The following PFKFB3 variants were observed in gnomAD, a reference collection of about 807,000 sequenced individuals.
PFKFB3 encodes 6-phosphofructo-2-kinase/fructose-2,6-biphosphatase 3.
PFKFB3 carries 33 observed loss-of-function variants against 68.0 expected under a neutral mutation model. The observed-to-expected ratio is 0.49, with a 90% CI of 0.37 to 0.65. The LOEUF is 0.65. Ranked by LOEUF, PFKFB3 falls within the 30% of genes least tolerant of loss-of-function variation. PFKFB3 has a pLI of 0.00. For synonymous variants in PFKFB3, 315 were observed against 288.2 expected (o/e 1.09, Z -0.94); for missense variants, 586 against 712.2 (o/e 0.82, Z 2.02).
intron 1 of PFKFB3, chr10:6,145,048 C>T (rs748994432): frequency 4.5e-5 from 59 of 1,313,608 alleles, no homozygotes; most frequent in Non-Finnish European, 2.6e-5. Flanking sequence ...ACGCCCCCAG[C>T]GCGCGCGGGG....
chr10:6,208,667 G>A (rs1235812367), intron 1 of PFKFB3, among the ~76,000 whole-genome samples: 1 of 152,080 alleles, frequency 6.6e-6, no homozygotes, highest in Non-Finnish European at 1.5e-5. Context: ...GAGTCAGTGG[G>A]GGATACAGGC....
the PFKFB3 span, among the ~76,000 whole-genome samples, chr10:6,280,044 C>A: frequency 2.0e-5 from 3 of 152,174 alleles, no homozygotes; most frequent in African/African-American, 7.2e-5. Flanking sequence ...CCGTGTCACA[C>A]AGCGGACACA....
intron 1 of PFKFB3, chr10:6,146,451 A>G: frequency 6.5e-7 from 1 of 1,535,648 alleles, no homozygotes; most frequent in South Asian, 1.2e-5. Flanking sequence ...TCAGCTGGAC[A>G]CGTTTAGTCC....
the PFKFB3 span, among the ~76,000 whole-genome samples, chr10:6,279,503 G>T: frequency 2.5e-4 from 38 of 152,172 alleles, no homozygotes; most frequent in South Asian, 2.7e-3. Flanking sequence ...CAAGGATCTT[G>T]GTTCTTTGGT....
intron 2 of PFKFB3, 133 bp downstream of exon 2, chr10:6,213,881 A>G (rs370210311): frequency 1.1e-6 from 1 of 887,860 alleles, no homozygotes; most frequent in Non-Finnish European, 1.7e-6. Flanking sequence ...CCTGCCTCCC[A>G]TGCAGCTGGG....
At chr10:6,285,791 T>C in the PFKFB3 span, among the ~76,000 whole-genome samples, 1 of 152,202 alleles carries the variant, frequency 6.6e-6, no homozygotes, top group Non-Finnish European at 1.5e-5. Context: ...AGATACCTCG[T>C]GTAAGTGGAA....
intron 13 of PFKFB3, 53 bp downstream of exon 13, chr10:6,224,266 T>C: frequency 1.3e-6 from 2 of 1,571,900 alleles, no homozygotes; most frequent in Non-Finnish European, 1.7e-6. Context: ...ATAGCCCTAG[T>C]GGGTGATGGG....
At chr10:6,161,436 C>T (rs1841966545) in intron 1 of PFKFB3, among the ~76,000 whole-genome samples, 3 of 151,950 alleles carry the variant, frequency 2.0e-5, no homozygotes, top group Admixed American at 2.0e-4. Context: ...TGCAGTCACT[C>T]ACAAAGTGTG....
At position 6,234,164 on chromosome 10, in the gene PFKFB3, G is replaced by A. The variant is rs1845901362; in HGVS notation, c.*1222G>A. On this transcript the variant is annotated 3_prime_UTR_variant, in exon 15 of 15. Coordinates refer to ENST00000379775, the MANE Select transcript of PFKFB3 (RefSeq NM_004566.4). ...CTCAAACCCTGGGGTAGGTGGGACG[G>A]GGGGTCTCGTGCCCAGATGAAACCA... 1 of 152,466 alleles carries A rather than the reference G, an allele frequency of 6.6e-6. No individual in the cohort carries two copies. Among genetic ancestry groups the A allele is most frequent in the Admixed American group, 6.5e-5 (1 of 15,280 alleles). The allele number at this position is 152,466 out of a possible 1,614,324, so 9.4% of individuals were successfully genotyped here.
At chr10:6,275,877 G>T in the PFKFB3 span, among the ~76,000 whole-genome samples, 7 of 152,202 alleles carry the variant, frequency 4.6e-5, no homozygotes, top group African/African-American at 1.7e-4. The surrounding 1 kb of genome is among the most constrained non-coding windows in gnomAD (Gnocchi z 4.9). Flanking sequence ...ATACACGCAG[G>T]GGTTATGCTT....
chr10:6,245,247 C>T (rs1321721717), intron 14 of PFKFB3, among the ~76,000 whole-genome samples: 2 of 151,982 alleles, frequency 1.3e-5, no homozygotes. Flanking sequence ...CAGGCATACG[C>T]CACCATGCCT....
At chr10:6,303,253 T>C in the PFKFB3 span, among the ~76,000 whole-genome samples, 10 of 152,106 alleles carry the variant, frequency 6.6e-5, no homozygotes, top group Non-Finnish European at 1.3e-4. Context: ...GGTAGCAGAA[T>C]CCTAATGCAA....
downstream of PFKFB3, among the ~76,000 whole-genome samples, chr10:6,239,203 CG>C: frequency 6.6e-6 from 1 of 152,106 alleles, no homozygotes; most frequent in Non-Finnish European, 1.5e-5. Context: ...GAGAGAGCAC[CG>C]CTGTGGTAGT....
chr10:6,256,405 GTTCTTCCAAGGA>G (rs200733274), downstream of PFKFB3, among the ~76,000 whole-genome samples: 1,371 of 152,300 alleles, frequency 9.0e-3, 11 homozygotes, highest in African/African-American at 0.031. Flanking sequence ...GATGGAGTCT[GTTCTTCCAAGGA>G]TGTGCATGAC....
chr10:6,224,590 C>A, intron 13 of PFKFB3: 1 of 419,534 alleles, frequency 2.4e-6, no homozygotes, highest in Non-Finnish European at 4.7e-6. Context: ...AAGTGATCCT[C>A]CCGCCTCAGC....
chr10:6,167,980 C>G (rs1177644780), intron 1 of PFKFB3, among the ~76,000 whole-genome samples: 1 of 152,226 alleles, frequency 6.6e-6, no homozygotes. Context: ...GTCACATCCT[C>G]AGCTTCTTCA....
rs1359929261 is a variant in PFKFB3 at position 6,210,569 on chromosome 10, A to G, written c.77-3054A>G. Reference sequence around the variant, plus strand: ...TAGACGGGGTTTCGCCATGTTAGCCAGGATAGTCTTGATAGTGTTTTTAAT... The same window carrying G: ...TAGACGGGGTTTCGCCATGTTAGCCGGGATAGTCTTGATAGTGTTTTTAAT... On this transcript the variant is annotated intron_variant, in intron 1 of 14. Transcript: ENST00000379775. 6.1e-5 allele frequency among the ~76,000 whole-genome samples: 4 copies of G among 65,392 alleles called. 1 individual carries two copies. Among genetic ancestry groups the G allele is most frequent in the Non-Finnish European group, 4.5e-5 (1 of 22,094 alleles). 42.9% of individuals were successfully genotyped at this position (65,392 alleles called of 152,430 possible).
At chr10:6,300,542 A>G in the PFKFB3 span, among the ~76,000 whole-genome samples, 1 of 152,200 alleles carries the variant, frequency 6.6e-6, no homozygotes, top group South Asian at 2.1e-4. Flanking sequence ...GCTTTTCCAG[A>G]AAGCAACTCA....
chr10:6,213,782 G>A (rs771008274), intron 2 of PFKFB3, 34 bp downstream of exon 2: 43 of 1,599,420 alleles, frequency 2.7e-5, no homozygotes, highest in South Asian at 5.6e-5. Flanking sequence ...ACCCCTGCTC[G>A]TGCAAAAACT....
Sources: gnomAD v4.1 joint callset for allele counts (sites outside exome capture counted in the v4.1 genomes callset) on GRCh38, gnomAD v4.1.1 for gene constraint, Gnocchi (gnomAD v3.1) non-coding constraint, MANE v1.5 for transcripts, NCBI Gene and HGNC (gene_info 2026-07-23, HGNC 2026-07-21) for gene names.